Variants in EFHC2 observed in about 807,000 individuals in gnomAD.
EFHC2 encodes the protein EF-hand domain-containing family member C2.
A neutral mutation model predicts 52.7 loss-of-function variants in EFHC2; 18 were observed. That is an observed-to-expected ratio of 0.34 (90% CI 0.24 to 0.51). EFHC2 has a LOEUF of 0.51. EFHC2 is among the 20% of genes least tolerant of loss of function. The pLI is 0.97. For missense variants in EFHC2, 513 were observed against 562.5 expected (o/e 0.91, Z 0.89); for synonymous variants, 203 against 204.1 (o/e 0.99, Z 0.04).
At chrX:44,194,680 G>A (rs1014390412) in intron 11 of EFHC2, among the ~76,000 whole-genome samples, 1 of 111,684 alleles carries the variant, frequency 9.0e-6, no homozygotes, top group Non-Finnish European at 1.9e-5. Flanking sequence ...GGGAAAATGA[G>A]CACGAATTAA....
At position 44,148,096 on chromosome X, in the gene EFHC2, G is replaced by C. The variant is rs2036535418; in HGVS notation, c.*699C>G. On this transcript the variant is annotated 3_prime_UTR_variant, in exon 15 of 15. Transcript: ENST00000420999. Reference sequence around the variant, plus strand: ...AGCTTTCACATTTGTAAATATTTTAGACATAATAAAGTTTTGGTCAAACTA... The same window carrying C: ...AGCTTTCACATTTGTAAATATTTTACACATAATAAAGTTTTGGTCAAACTA... 1 of 109,792 alleles carries C rather than the reference G, an allele frequency of 9.1e-6. No homozygotes were observed. Among genetic ancestry groups the C allele is most frequent in the African/African-American group, 3.3e-5 (1 of 30,272 alleles). 9.0% of individuals were successfully genotyped at this position (109,792 alleles called of 1,213,427 possible).
At chrX:44,167,824 T>C (rs1431248487) in intron 13 of EFHC2, among the ~76,000 whole-genome samples, 1 of 112,015 alleles carries the variant, frequency 8.9e-6, no homozygotes, top group Non-Finnish European at 1.9e-5. Flanking sequence ...AACTAGCTCA[T>C]GTTTCTTGGA....
At chrX:44,321,913 A>C (rs1244606840) in intron 1 of EFHC2, among the ~76,000 whole-genome samples, 1 of 111,922 alleles carries the variant, frequency 8.9e-6, no homozygotes, top group Non-Finnish European at 1.9e-5. Flanking sequence ...AAAATGCAAG[A>C]AATAAATAAA....
chrX:44,149,245 G>C (rs761709825), intron 14 of EFHC2, among the ~76,000 whole-genome samples: 2 of 112,012 alleles, frequency 1.8e-5, no homozygotes, highest in South Asian at 7.5e-4. Flanking sequence ...CATTTGGCTT[G>C]GCCTTCTGTG....
At chrX:44,174,166 T>C (rs762308418) in intron 13 of EFHC2, among the ~76,000 whole-genome samples, 2 of 111,941 alleles carry the variant, frequency 1.8e-5, no homozygotes, top group South Asian at 3.8e-4. Flanking sequence ...GTACTTTATG[T>C]ATGTTATCTC....
intron 1 of EFHC2, among the ~76,000 whole-genome samples, chrX:44,328,017 T>C (rs766103210): frequency 1.8e-5 from 2 of 111,969 alleles, no homozygotes; most frequent in Non-Finnish European, 3.8e-5. Context: ...CATAAGGCTA[T>C]GATATTTTTG....
At chrX:44,274,595 G>A (rs2037641229) in intron 2 of EFHC2, among the ~76,000 whole-genome samples, 2 of 112,036 alleles carry the variant, frequency 1.8e-5, no homozygotes, top group South Asian at 3.7e-4. Flanking sequence ...TTTGTTATGT[G>A]AATTATATTT....
At chrX:44,324,971 G>A in intron 1 of EFHC2, among the ~76,000 whole-genome samples, 1 of 112,239 alleles carries the variant, frequency 8.9e-6, no homozygotes, top group Non-Finnish European at 1.9e-5. Flanking sequence ...CTCTTGGCTT[G>A]TGAGTTGTGA....
chrX:44,305,504 CAGAT>C (rs776589316), intron 2 of EFHC2, among the ~76,000 whole-genome samples: 1 of 111,519 alleles, frequency 9.0e-6, no homozygotes, highest in Admixed American at 9.5e-5. Flanking sequence ...AGCTTAATAA[CAGAT>C]AATAATAATA....
At chrX:44,251,646 A>G (rs2037451082) in intron 4 of EFHC2, among the ~76,000 whole-genome samples, 1 of 77,658 alleles carries the variant, frequency 1.3e-5, no homozygotes, top group Non-Finnish European at 2.5e-5. Context: ...AAAAAAAAAA[A>G]GATTAAAAAA....
intron 11 of EFHC2, among the ~76,000 whole-genome samples, chrX:44,179,250 TA>T (rs2036815337): frequency 9.0e-6 from 1 of 111,196 alleles, no homozygotes; most frequent in Non-Finnish European, 1.9e-5. Context: ...GTTTTCAATG[TA>T]ACTCTGTATG....
intron 1 of EFHC2, among the ~76,000 whole-genome samples, chrX:44,313,351 G>A (rs2037961975): frequency 9.0e-6 from 1 of 111,522 alleles, no homozygotes; most frequent in South Asian, 3.7e-4. Flanking sequence ...ACCAAGGGTT[G>A]GCAAGGACAT....
At chrX:44,213,980 G>A (rs1301948958) in intron 11 of EFHC2, among the ~76,000 whole-genome samples, 1 of 111,495 alleles carries the variant, frequency 9.0e-6, no homozygotes, top group Non-Finnish European at 1.9e-5. Flanking sequence ...ACTGGACATG[G>A]ATGAGAATCT....
At chrX:44,288,755 A>G (rs2037771617) in intron 2 of EFHC2, among the ~76,000 whole-genome samples, 1 of 112,149 alleles carries the variant, frequency 8.9e-6, no homozygotes, top group Admixed American at 9.5e-5. Context: ...GTGCTTTGAA[A>G]TTTATTTTTC....
chrX:44,204,143 A>G (rs1409132004), intron 11 of EFHC2, among the ~76,000 whole-genome samples: 1 of 109,968 alleles, frequency 9.1e-6, no homozygotes, highest in African/African-American at 3.3e-5. Context: ...AATGAAGCCA[A>G]TCAATCACAC....
intron 13 of EFHC2, among the ~76,000 whole-genome samples, chrX:44,173,548 A>T (rs1405487704): frequency 2.7e-5 from 3 of 111,891 alleles, no homozygotes; most frequent in Non-Finnish European, 5.6e-5. Context: ...GGCAGGGCAT[A>T]TTGGAGGGAG....
intron 1 of EFHC2, among the ~76,000 whole-genome samples, chrX:44,330,757 A>G (rs377640074): frequency 2.8e-4 from 31 of 112,637 alleles, no homozygotes; most frequent in African/African-American, 1.0e-3. Flanking sequence ...TTAGCTGGAT[A>G]TACAGATGAC....
intron 2 of EFHC2, among the ~76,000 whole-genome samples, chrX:44,300,501 A>G (rs777784472): frequency 1.8e-5 from 2 of 111,803 alleles, no homozygotes; most frequent in South Asian, 7.5e-4. Flanking sequence ...ATCATAATTG[A>G]GAAAATTATT....
chrX:44,212,890 T>G (rs1364770556), intron 11 of EFHC2, among the ~76,000 whole-genome samples: 1 of 107,960 alleles, frequency 9.3e-6, no homozygotes, highest in Non-Finnish European at 1.9e-5. Context: ...TTTTTTTTTA[T>G]TTTTAGTAGA....
Sources: gnomAD v4.1 joint callset for allele counts (sites outside exome capture counted in the v4.1 genomes callset) on GRCh38, gnomAD v4.1.1 for gene constraint, MANE v1.5 for transcripts, NCBI Gene and HGNC (gene_info 2026-07-23, HGNC 2026-07-21) for gene names.